The following PCSK5 variants were observed in gnomAD, a reference collection of about 807,000 sequenced individuals.
PCSK5 encodes prohormone convertase 5.
PCSK5 carries 129 observed loss-of-function variants against 233.2 expected under a neutral mutation model. The observed-to-expected ratio is 0.55, with a 90% CI of 0.48 to 0.64. The LOEUF is 0.64. Ranked by LOEUF, PCSK5 falls within the 30% of genes least tolerant of loss-of-function variation. PCSK5 has a pLI of 0.00. For synonymous variants in PCSK5, 825 were observed against 879.2 expected, an observed-to-expected ratio of 0.94 and a Z score of 1.09; for missense variants, 2,076 against 2,430.1, an observed-to-expected ratio of 0.85 and a Z score of 3.06.
chr9:76,325,095 G>C (rs914023003), intron 32 of PCSK5, among the ~76,000 whole-genome samples: 13 of 152,076 alleles, frequency 8.5e-5, no homozygotes, highest in Non-Finnish European at 1.8e-4. Flanking sequence ...TGTCCTACCT[G>C]CCCATATGTG....
intron 20 of PCSK5, among the ~76,000 whole-genome samples, chr9:76,220,547 A>G (rs1215672229): frequency 6.9e-6 from 1 of 145,306 alleles, no homozygotes; most frequent in East Asian, 2.2e-4. Flanking sequence ...AAAAAAAAAA[A>G]TCACACTCAG....
rs766456594 is a variant in PCSK5 at position 75,962,028 on chromosome 9, C to A, written c.298-24104C>A. Among the ~76,000 whole-genome samples the A allele has an allele frequency of 1.4e-4, 22 of 152,002 alleles. 1 individual carries two copies. Among genetic ancestry groups the A allele is most frequent in the Non-Finnish European group, 4.4e-5 (3 of 68,014 alleles). On this transcript the variant is annotated intron_variant, in intron 2 of 37. Transcript: ENST00000674117. ...CCAGGTAGAGTACAGGGTTCCTGTG[C>A]GGGTATGGAAAATAAACAGATAAAC...
intron 3 of PCSK5, among the ~76,000 whole-genome samples, chr9:76,011,642 T>C (rs976047214): frequency 7.9e-5 from 12 of 152,214 alleles, no homozygotes; most frequent in African/African-American, 2.9e-4. Context: ...TACTACAGTG[T>C]GGATTGTTTT....
rs10117380 is a variant in PCSK5 at position 76,287,051 on chromosome 9, G to A, written c.3143-5182G>A. 516 of 163,078 alleles carry A rather than the reference G, an allele frequency of 3.2e-3. 1 individual carries two copies. Among genetic ancestry groups the A allele is most frequent in the African/African-American group, 0.012 (479 of 41,596 alleles). 10.1% of individuals were successfully genotyped at this position (163,078 alleles called of 1,614,324 possible). A position where few individuals can be genotyped will look rare whatever the true frequency, so the allele number is the denominator to read the frequency against. ...ATCTGTCTCAGTAATGGTATCACCCGGATCACCGGTGTCTAGTGTGGGGAT... is the reference window on the plus strand; with the variant it reads ...ATCTGTCTCAGTAATGGTATCACCCAGATCACCGGTGTCTAGTGTGGGGAT... On this transcript the variant is annotated intron_variant, in intron 24 of 37. Transcript: ENST00000674117.
rs1205422321 is a variant in PCSK5 at position 76,041,964 on chromosome 9, A to C, written c.632+14927A>C. Among the ~76,000 whole-genome samples the C allele has an allele frequency of 2.0e-5, 3 of 152,244 alleles. No homozygotes were observed. In the East Asian group the frequency reaches 5.8e-4, roughly 29 times the overall value. On this transcript the variant is annotated intron_variant, in intron 5 of 37. Coordinates refer to ENST00000674117, the MANE Select transcript of PCSK5 (RefSeq NM_001372043.1). ...TTTTACAGTCATCTGAAAATAGCAT[A>C]CCTTATTCAATACTAGAGACTGATG...
intron 28 of PCSK5, among the ~76,000 whole-genome samples, chr9:76,302,959 CTTTT>C (rs10552673): frequency 0.11 from 9,281 of 88,252 alleles, 129 homozygotes; most frequent in African/African-American, 0.18. Flanking sequence ...CAAAGTGGTT[CTTTT>C]TTTTTTTTTT....
At chr9:76,273,817 C>CTT (rs745490756) in intron 24 of PCSK5, among the ~76,000 whole-genome samples, 1 of 140,036 alleles carries the variant, frequency 7.1e-6, no homozygotes, top group Admixed American at 7.2e-5. Flanking sequence ...TTTTTTTTTT[C>CTT]TTTTTTTTTT....
intron 5 of PCSK5, among the ~76,000 whole-genome samples, chr9:76,032,327 A>G (rs1465697911): frequency 2.0e-5 from 3 of 152,308 alleles, no homozygotes; most frequent in Admixed American, 1.3e-4. Flanking sequence ...TGGGGAATCA[A>G]TGATGAAATA....
chr9:76,115,339 A>G (rs1354657105), intron 9 of PCSK5, among the ~76,000 whole-genome samples: 1 of 152,152 alleles, frequency 6.6e-6, no homozygotes, highest in South Asian at 2.1e-4. Flanking sequence ...TGACTGAGAC[A>G]GTTCCCATTT....
rs1587537182 is a variant in PCSK5 at position 76,040,373 on chromosome 9, CTCTCTCTCTCTG to C, written c.632+13348_632+13359del. Among the ~76,000 whole-genome samples the C allele has an allele frequency of 5.9e-4, 40 of 67,470 alleles. No homozygotes were observed. The East Asian group carries it at 6.5e-3, about 11-fold the overall frequency. 44.3% of individuals were successfully genotyped at this position (67,470 alleles called of 152,430 possible). On this transcript the variant is annotated intron_variant, in intron 5 of 37. Transcript: ENST00000674117. ...TCTCTCTCTCTCTCTCTCTCTCTCT[CTCTCTCTCTCTG>C]TCTCTCTCTCTCTCTCTCTCTCTCT...
chr9:76,292,245 C>T lies in PCSK5; in HGVS notation c.3155C>T (p.Thr1052Ile). The change falls in exon 25 of 38, where the codon ACA becomes ATA. Residue 1052 changes from threonine to isoleucine, a missense_variant. Thr to Ile is a moderately conservative substitution (Grantham distance 89). This residue lies in a region of PCSK5 where 1,510 missense variants were observed against 1,538.1 expected (regional missense o/e 0.98). Transcript: ENST00000674117. Reference protein sequence around the residue: ...CLGCSLDDPGTCTSCAMGYYR... With the variant: ...CLGCSLDDPGICTSCAMGYYR... Reference sequence around the variant, plus strand: ...TTTTTTTTTCCAGATGATCCAGGAACATGTACATCTTGCGCTATGGGGTAT... The same window carrying T: ...TTTTTTTTTCCAGATGATCCAGGAATATGTACATCTTGCGCTATGGGGTAT... The T allele has an allele frequency of 1.3e-6, 2 of 1,570,104 alleles. No individual in the cohort carries two copies. Among genetic ancestry groups the T allele is most frequent in the Non-Finnish European group, 8.8e-7 (1 of 1,142,212 alleles).
At chr9:76,179,840 T>C (rs937951653) in intron 15 of PCSK5, 142 bp downstream of exon 15, 1 of 616,298 alleles carries the variant, frequency 1.6e-6, no homozygotes, top group Non-Finnish European at 2.9e-6. Context: ...GAAAAGAGGC[T>C]GCTGTGCAGG....
chr9:76,127,965 C>G (rs977867993), intron 9 of PCSK5, among the ~76,000 whole-genome samples: 24 of 152,226 alleles, frequency 1.6e-4, no homozygotes, highest in African/African-American at 5.8e-4. Context: ...GACTCTGAAG[C>G]GTAATTTACA....
chr9:76,093,565 T>TTATATATATATA (rs763686948), intron 7 of PCSK5, among the ~76,000 whole-genome samples: 1 of 146,576 alleles, frequency 6.8e-6, no homozygotes, highest in African/African-American at 2.6e-5. Flanking sequence ...TGTCATAATT[T>TTATATATATATA]TATATATATA....
At chr9:76,208,704 A>T (rs1825215621) in intron 20 of PCSK5, among the ~76,000 whole-genome samples, 1 of 152,212 alleles carries the variant, frequency 6.6e-6, no homozygotes, top group Admixed American at 6.5e-5. Context: ...AGTTCTTTTC[A>T]TATGAGAATG....
chr9:76,123,386 ATAGT>A (rs1193394125), intron 9 of PCSK5, among the ~76,000 whole-genome samples: 20 of 152,302 alleles, frequency 1.3e-4, no homozygotes, highest in Non-Finnish European at 2.1e-4. Flanking sequence ...TATTTTATAG[ATAGT>A]TGTAAATAAA....
At chr9:76,237,635 G>A (rs1487471407) in intron 22 of PCSK5, among the ~76,000 whole-genome samples, 1 of 151,876 alleles carries the variant, frequency 6.6e-6, no homozygotes, top group Non-Finnish European at 1.5e-5. Context: ...AAATGGTTGG[G>A]CATGGTGGCA....
intron 1 of PCSK5, among the ~76,000 whole-genome samples, chr9:75,891,828 G>A (rs1438639247): frequency 6.6e-6 from 1 of 152,072 alleles, no homozygotes; most frequent in East Asian, 1.9e-4. Context: ...TTTCCTGCTC[G>A]GACCTGAATT....
intron 33 of PCSK5, among the ~76,000 whole-genome samples, chr9:76,331,405 C>T (rs575019212): frequency 8.6e-5 from 13 of 151,990 alleles, no homozygotes; most frequent in African/African-American, 1.7e-4. Flanking sequence ...TGGTGGCTCA[C>T]GCCTGTAATC....
Sources: allele counts gnomAD v4.1 joint callset (sites outside exome capture counted in the v4.1 genomes callset), GRCh38; gene constraint gnomAD v4.1.1; regional missense constraint gnomAD v4.1.1; transcripts MANE v1.5; gene names NCBI Gene and HGNC (gene_info 2026-07-23, HGNC 2026-07-21).